The following NDUFS4 variants were observed in gnomAD, a reference collection of about 807,000 sequenced individuals.
NDUFS4 encodes the protein NADH dehydrogenase [ubiquinone] iron-sulfur protein 4, mitochondrial.
A neutral mutation model predicts 24.3 loss-of-function variants in NDUFS4; 28 were observed. That is an observed-to-expected ratio of 1.15 (90% CI 0.85 to 1.58). NDUFS4 has a LOEUF of 1.58. Ranked by LOEUF, NDUFS4 falls within the 40% of genes most tolerant of loss-of-function variation. The pLI, the probability that NDUFS4 is intolerant of heterozygous loss-of-function variation, is 0.00. For missense variants in NDUFS4, 223 were observed against 207.9 expected, an observed-to-expected ratio of 1.07 and a Z score of -0.45; for synonymous variants, 93 against 69.7, an observed-to-expected ratio of 1.34 and a Z score of -1.67.
At chr5:53,611,123 A>G (rs568307269) in intron 2 of NDUFS4, among the ~76,000 whole-genome samples, 80 of 151,900 alleles carry the variant, frequency 5.3e-4, no homozygotes, top group South Asian at 5.0e-3. Flanking sequence ...AGAATTTTCT[A>G]TACAGTATAC....
At chr5:53,594,010 C>G (rs1217868835) in intron 1 of NDUFS4, among the ~76,000 whole-genome samples, 1 of 152,094 alleles carries the variant, frequency 6.6e-6, no homozygotes. Context: ...CAGAATGTGT[C>G]TTTTGCCATT....
chr5:53,580,949 C>G (rs1579831745), intron 1 of NDUFS4, among the ~76,000 whole-genome samples: 1 of 151,820 alleles, frequency 6.6e-6, no homozygotes, highest in African/African-American at 2.4e-5. Context: ...TTCTCCTGCC[C>G]CAGCCTCCCA....
intron 4 of NDUFS4, among the ~76,000 whole-genome samples, chr5:53,662,720 T>C (rs531649380): frequency 6.6e-6 from 1 of 152,284 alleles, no homozygotes; most frequent in East Asian, 1.9e-4. Flanking sequence ...TGGTTTAGCC[T>C]TGGGAGGGTG....
At chr5:53,632,527 A>C (rs544514806) in intron 2 of NDUFS4, among the ~76,000 whole-genome samples, 6 of 152,176 alleles carry the variant, frequency 3.9e-5, no homozygotes, top group Non-Finnish European at 8.8e-5. Context: ...TCCTCTTCAG[A>C]ACTCTGCCTC....
chr5:53,670,522 A>G (rs912379868), intron 4 of NDUFS4, among the ~76,000 whole-genome samples: 6 of 146,460 alleles, frequency 4.1e-5, no homozygotes, highest in Admixed American at 2.0e-4. Context: ...TTAATTTTAC[A>G]TATTTCCTTT....
intron 1 of NDUFS4, among the ~76,000 whole-genome samples, chr5:53,580,808 C>T (rs1336191141): frequency 7.3e-6 from 1 of 136,070 alleles, no homozygotes; most frequent in East Asian, 2.1e-4. Flanking sequence ...TCTTTCTTTC[C>T]CTTTCTTTTC....
At chr5:53,603,350 T>TTTTAA in intron 1 of NDUFS4, 102 bp from the exon 2 acceptor site, 1 of 783,424 alleles carries the variant, frequency 1.3e-6, no homozygotes, top group Non-Finnish European at 2.0e-6. Flanking sequence ...TTTTTTTTTT[T>TTTTAA]TAATAAGACA....
In NDUFS4 at chr5:53,683,282, T is replaced by C. The variant is rs1170947475; in HGVS notation, c.*61T>C. 8.5e-7 allele frequency: 1 copy of C among 1,175,150 alleles called. No homozygotes were observed. The allele number at this position is 1,175,150 out of a possible 1,614,324, so 72.8% of individuals were successfully genotyped here. On this transcript the variant is annotated 3_prime_UTR_variant, in exon 5 of 5. Transcript: ENST00000296684. ...AAAGTCAGCTGTGCAGTATTTATAG[T>C]CCATGTATAATAAATACATCTCTTA... is the stretch of plus-strand genomic sequence containing the variant.
intron 2 of NDUFS4, among the ~76,000 whole-genome samples, chr5:53,618,876 G>A (rs573916408): frequency 2.6e-4 from 40 of 152,162 alleles, no homozygotes; most frequent in African/African-American, 9.6e-4. Context: ...CACTTTGGGA[G>A]GCTGAGGTGG....
chr5:53,613,794 C>A (rs1750767990), intron 2 of NDUFS4, among the ~76,000 whole-genome samples: 1 of 151,718 alleles, frequency 6.6e-6, no homozygotes, highest in South Asian at 2.1e-4. Context: ...CTTAATTGTT[C>A]CTTTTTTAGT....
At chr5:53,667,294 C>G (rs1285925915) in intron 4 of NDUFS4, among the ~76,000 whole-genome samples, 1 of 151,958 alleles carries the variant, frequency 6.6e-6, no homozygotes, top group Non-Finnish European at 1.5e-5. Context: ...GGAGAACCCT[C>G]GTCTCTACTA....
Position 53,648,272 on chromosome 5 carries a change from A to G in NDUFS4, c.350+1867A>G, listed in dbSNP as rs186104987. On this transcript the variant is annotated intron_variant, in intron 3 of 4. Coordinates refer to ENST00000296684, the MANE Select transcript of NDUFS4 (RefSeq NM_002495.4). The stretch of plus-strand genomic sequence containing the variant: ...AATCGGCTCATGTCCCTCAAAGCCC[A>G]TAATTGTCATGTCTCCTGTAGTAGT... Among the ~76,000 whole-genome samples, 362 of 152,308 alleles carry G rather than the reference A, an allele frequency of 2.4e-3. 5 individuals are homozygous for G. Among genetic ancestry groups the G allele is most frequent in the African/African-American group, 8.0e-3 (332 of 41,568 alleles).
chr5:53,612,216 A>G (rs1027743792), intron 2 of NDUFS4, among the ~76,000 whole-genome samples: 11 of 152,120 alleles, frequency 7.2e-5, no homozygotes, highest in African/African-American at 2.7e-4. Context: ...TTCAATAAAT[A>G]CTTACATATG....
At chr5:53,596,276 A>C (rs538100722) in intron 1 of NDUFS4, among the ~76,000 whole-genome samples, 67 of 151,872 alleles carry the variant, frequency 4.4e-4, no homozygotes, top group African/African-American at 1.3e-3. Context: ...ATAAAAAAAA[A>C]CAAAAAATTA....
At position 53,591,351 on chromosome 5, in the gene NDUFS4, C is replaced by T. The variant is rs1579845589; in HGVS notation, c.99-12101C>T. On this transcript the variant is annotated intron_variant, in intron 1 of 4. Coordinates refer to ENST00000296684, the MANE Select transcript of NDUFS4 (RefSeq NM_002495.4). Reference sequence around the variant, plus strand: ...ATTTTAAATATTTTGAGGAATCACACTACTGTTTTCTGTAATGGCTGTGTC... The same window carrying T: ...ATTTTAAATATTTTGAGGAATCACATTACTGTTTTCTGTAATGGCTGTGTC... Among the ~76,000 whole-genome samples the T allele has an allele frequency of 2.0e-5, 3 of 151,016 alleles. No individual in the cohort carries two copies. The South Asian group carries it at 6.3e-4, about 32-fold the overall frequency.
chr5:53,599,050 TAAAC>T (rs1750226811), intron 1 of NDUFS4, among the ~76,000 whole-genome samples: 1 of 152,158 alleles, frequency 6.6e-6, no homozygotes, highest in African/African-American at 2.4e-5. Context: ...AAATGAATAT[TAAAC>T]AGCAGAGTGA....
chr5:53,578,368 G>A (rs936411052), intron 1 of NDUFS4, among the ~76,000 whole-genome samples: 5 of 152,104 alleles, frequency 3.3e-5, no homozygotes, highest in African/African-American at 1.2e-4. Context: ...TCTTACCAGT[G>A]TCCTTGACCC....
intron 2 of NDUFS4, among the ~76,000 whole-genome samples, chr5:53,637,720 C>T (rs535522167): frequency 2.6e-5 from 4 of 152,232 alleles, no homozygotes; most frequent in African/African-American, 9.6e-5. Context: ...TTCATTCACC[C>T]TCATGTAATT....
In NDUFS4 at chr5:53,646,355, G is replaced by A. The variant is rs764152143; in HGVS notation, c.300G>A (p.Glu100=). ...GVNNTKKWKM[E]FDTRERWENP... is the part of the protein sequence containing the mutation. ...ACAACACAAAGAAATGGAAGATGGAGTTTGATACCAGAGAGCGATGGGAAA... is the reference window on the plus strand; with the variant it reads ...ACAACACAAAGAAATGGAAGATGGAATTTGATACCAGAGAGCGATGGGAAA... The change falls in exon 3 of 5, where the codon GAG becomes GAA. Residue 100 remains glutamate, a synonymous_variant. Coordinates refer to ENST00000296684, the MANE Select transcript of NDUFS4 (RefSeq NM_002495.4). 2 of 1,613,906 alleles carry A rather than the reference G, an allele frequency of 1.2e-6. No individual in the cohort carries two copies. Among genetic ancestry groups the A allele is most frequent in the South Asian group, 2.2e-5 (2 of 91,070 alleles).
Sources: allele counts gnomAD v4.1 joint callset (sites outside exome capture counted in the v4.1 genomes callset), GRCh38; gene constraint gnomAD v4.1.1; transcripts MANE v1.5; gene names NCBI Gene and HGNC (gene_info 2026-07-23, HGNC 2026-07-21).